Variants in ADGB observed in about 807,000 individuals in gnomAD.
ADGB encodes calpain-7-like protein.
ADGB carries 172 observed loss-of-function variants against 210.5 expected under a neutral mutation model. The observed-to-expected ratio is 0.82, with a 90% CI of 0.72 to 0.93. The LOEUF is 0.93. Among genes scored for constraint, ADGB ranks in the 40% least tolerant of loss-of-function variants. The pLI, the probability that ADGB is intolerant of heterozygous loss-of-function variation, is 0.00. For missense variants in ADGB, 2,025 were observed against 1,964.8 expected (o/e 1.03, Z -0.58); for synonymous variants, 658 against 662.7 (o/e 0.99, Z 0.11).
At chr6:146,610,189 A>G (rs1583557773) in intron 1 of ADGB, among the ~76,000 whole-genome samples, 1 of 152,268 alleles carries the variant, frequency 6.6e-6, no homozygotes, top group East Asian at 1.9e-4. Context: ...GCTCTATCAG[A>G]TGAGTTTGGT....
At chr6:146,753,013 T>C (rs1012524502) in intron 27 of ADGB, among the ~76,000 whole-genome samples, 2 of 152,090 alleles carry the variant, frequency 1.3e-5, no homozygotes, top group African/African-American at 4.8e-5. Context: ...TTTAAATTCG[T>C]AATTCATTAT....
At chr6:146,780,536 C>A (rs1777784193) in intron 29 of ADGB, among the ~76,000 whole-genome samples, 1 of 151,956 alleles carries the variant, frequency 6.6e-6, no homozygotes. Context: ...CAAAAGAGAC[C>A]TGGAGTGGCT....
intron 10 of ADGB, among the ~76,000 whole-genome samples, chr6:146,688,132 C>T (rs1483851319): frequency 6.6e-6 from 1 of 152,060 alleles, no homozygotes; most frequent in Non-Finnish European, 1.5e-5. Context: ...AAAGTTCTCT[C>T]CACAAAGCTT....
chr6:146,715,517 C>A, intron 14 of ADGB, 102 bp downstream of exon 14: 1 of 701,426 alleles, frequency 1.4e-6, no homozygotes, highest in South Asian at 2.2e-5. Context: ...AGCAGCCTTT[C>A]TTCAGTGTCT....
At chr6:146,722,920 T>A (rs1371660424) in intron 17 of ADGB, among the ~76,000 whole-genome samples, 1 of 152,146 alleles carries the variant, frequency 6.6e-6, no homozygotes, top group African/African-American at 2.4e-5. Context: ...AAAACTTCAT[T>A]CTTTTATTCT....
chr6:146,644,731 A>G, intron 2 of ADGB, 42 bp from the exon 3 acceptor site: 1 of 1,169,168 alleles, frequency 8.6e-7, no homozygotes, highest in Non-Finnish European at 1.2e-6. Context: ...TTTTATTTTA[A>G]TAAAAGAATA....
At chr6:146,635,651 G>A (rs1775409111) in intron 2 of ADGB, 114 bp downstream of exon 2, 1 of 1,155,866 alleles carries the variant, frequency 8.7e-7, no homozygotes, top group Non-Finnish European at 1.1e-6. Flanking sequence ...ATTCAAAAGG[G>A]AAATTTTTTA....
At chr6:146,659,978 A>G (rs920233203) in intron 5 of ADGB, among the ~76,000 whole-genome samples, 1 of 152,170 alleles carries the variant, frequency 6.6e-6, no homozygotes, top group African/African-American at 2.4e-5. Flanking sequence ...ATATGTTTAT[A>G]TAAAAATGCA....
chr6:146,680,217 A>T (rs1776139246), intron 9 of ADGB, among the ~76,000 whole-genome samples: 1 of 152,124 alleles, frequency 6.6e-6, no homozygotes, highest in South Asian at 2.1e-4. Context: ...CCAGCTGTAG[A>T]CTGACCTATA....
At chr6:146,717,125 G>GC in intron 15 of ADGB, 56 bp downstream of exon 15, 1 of 1,343,436 alleles carries the variant, frequency 7.4e-7, no homozygotes. Flanking sequence ...ACCCTGAGCT[G>GC]CATTAGTATA....
intron 26 of ADGB, among the ~76,000 whole-genome samples, chr6:146,749,039 C>T (rs1051369864): frequency 2.6e-5 from 4 of 152,018 alleles, no homozygotes; most frequent in East Asian, 1.9e-4. Context: ...TGGTGGTAGG[C>T]GGGGACACAA....
intron 1 of ADGB, among the ~76,000 whole-genome samples, chr6:146,612,296 G>A (rs1162841145): frequency 6.6e-6 from 1 of 152,100 alleles, no homozygotes; most frequent in Non-Finnish European, 1.5e-5. Flanking sequence ...CTTATCATGT[G>A]ATTAAGCTCA....
intron 26 of ADGB, among the ~76,000 whole-genome samples, chr6:146,750,765 AGAG>A (rs1777309004): frequency 6.6e-6 from 1 of 152,114 alleles, no homozygotes; most frequent in Non-Finnish European, 1.5e-5. Context: ...TCTTTTTGCA[AGAG>A]GTTTCCAAAC....
intron 35 of ADGB, among the ~76,000 whole-genome samples, chr6:146,814,314 T>C (rs549038152): frequency 1.3e-5 from 2 of 152,314 alleles, no homozygotes; most frequent in Admixed American, 1.3e-4. Context: ...ATATTATCTT[T>C]GAAACAGTAA....
intron 35 of ADGB, among the ~76,000 whole-genome samples, chr6:146,808,021 A>C (rs1362601002): frequency 1.8e-5 from 2 of 109,656 alleles, no homozygotes; most frequent in Non-Finnish European, 3.5e-5. Flanking sequence ...TTTTCTGGAG[A>C]CTGAGTCTCA....
chr6:146,789,583 A>T (rs1401698230), intron 33 of ADGB, among the ~76,000 whole-genome samples: 1 of 152,212 alleles, frequency 6.6e-6, no homozygotes, highest in South Asian at 2.1e-4. Context: ...AATTAAAAGG[A>T]ATCTTTTACT....
intron 28 of ADGB, among the ~76,000 whole-genome samples, chr6:146,768,349 T>C (rs1777605784): frequency 1.3e-5 from 2 of 152,132 alleles, no homozygotes; most frequent in South Asian, 4.1e-4. Context: ...GACAAAAAGA[T>C]ATAGCAGTAA....
chr6:146,665,073 G>A (rs1211728274), intron 6 of ADGB, among the ~76,000 whole-genome samples: 1 of 152,012 alleles, frequency 6.6e-6, no homozygotes, highest in Non-Finnish European at 1.5e-5. Context: ...CACATACATT[G>A]CACAGGCTGG....
intron 1 of ADGB, among the ~76,000 whole-genome samples, chr6:146,627,558 A>G (rs768530715): frequency 2.6e-5 from 4 of 152,110 alleles, no homozygotes; most frequent in Non-Finnish European, 5.9e-5. Flanking sequence ...TAGGTGAAGC[A>G]AGATACTTTT....
Sources: gnomAD v4.1 joint callset for allele counts (sites outside exome capture counted in the v4.1 genomes callset) on GRCh38, gnomAD v4.1.1 for gene constraint, MANE v1.5 for transcripts, NCBI Gene and HGNC (gene_info 2026-07-23, HGNC 2026-07-21) for gene names.